CERS6: variants seen among roughly 807,000 people sequenced by gnomAD.
CERS6 encodes LAG1 homolog, ceramide synthase 6.
In CERS6, 26 loss-of-function variants were observed where a neutral mutation model predicts 56.8. The observed-to-expected ratio is 0.46, with a 90% CI of 0.34 to 0.63. The LOEUF (loss-of-function observed/expected upper bound fraction) is 0.63. Ranked by LOEUF, CERS6 falls within the 30% of genes least tolerant of loss-of-function variation. CERS6 has a pLI of 0.01. For missense variants in CERS6, 415 were observed against 467.5 expected (o/e 0.89, Z 1.04); for synonymous variants, 164 against 173.3 (o/e 0.95, Z 0.42).
intron 3 of CERS6, among the ~76,000 whole-genome samples, chr2:168,629,884 C>T (rs1033580228): frequency 2.6e-5 from 4 of 151,016 alleles, no homozygotes; most frequent in Non-Finnish European, 4.4e-5. Flanking sequence ...GGTGGGATCT[C>T]GGCTCACTGC....
At chr2:168,652,908 A>T (rs1390088538) in intron 4 of CERS6, among the ~76,000 whole-genome samples, 1 of 152,198 alleles carries the variant, frequency 6.6e-6, no homozygotes, top group Non-Finnish European at 1.5e-5. Flanking sequence ...TGTTGAAGAG[A>T]TAACTAGGAT....
At chr2:168,468,869 G>T (rs562602630) in intron 1 of CERS6, among the ~76,000 whole-genome samples, 3 of 139,656 alleles carry the variant, frequency 2.1e-5, no homozygotes, top group African/African-American at 8.2e-5. Flanking sequence ...GTGAGGAATG[G>T]GGCTTTGTCC....
chr2:168,630,678 C>A (rs1684695048), intron 3 of CERS6, among the ~76,000 whole-genome samples: 1 of 152,090 alleles, frequency 6.6e-6, no homozygotes, highest in Admixed American at 6.5e-5. Context: ...CAAATCATAT[C>A]CCTTCATGAG....
chr2:168,757,590 A>T (rs1343806887), intron 8 of CERS6, among the ~76,000 whole-genome samples: 6 of 152,146 alleles, frequency 3.9e-5, no homozygotes, highest in Admixed American at 6.6e-5. Flanking sequence ...GGGATAAAGA[A>T]ATGACTTCTG....
intron 4 of CERS6, among the ~76,000 whole-genome samples, chr2:168,648,186 C>G (rs914286519): frequency 1.3e-5 from 2 of 151,984 alleles, no homozygotes; most frequent in African/African-American, 4.8e-5. Flanking sequence ...ATTACTGATT[C>G]CATTTCAGAG....
intron 6 of CERS6, among the ~76,000 whole-genome samples, chr2:168,700,647 A>T (rs1686783752): frequency 6.6e-6 from 1 of 152,190 alleles, no homozygotes; most frequent in Non-Finnish European, 1.5e-5. Context: ...GGTTAAAAGC[A>T]TGAGCTCTGG....
At chr2:168,592,818 A>T (rs1031819731) in intron 3 of CERS6, among the ~76,000 whole-genome samples, 1 of 152,170 alleles carries the variant, frequency 6.6e-6, no homozygotes, top group Non-Finnish European at 1.5e-5. Context: ...GGGTGTTATT[A>T]TGTATATTAG....
chr2:168,629,634 T>C (rs1374307086), intron 3 of CERS6, among the ~76,000 whole-genome samples: 3 of 152,146 alleles, frequency 2.0e-5, no homozygotes, highest in Non-Finnish European at 4.4e-5. Context: ...TTCAAGATGG[T>C]AACAAAGCAT....
At chr2:168,763,827 C>T (rs1684650412) in intron 8 of CERS6, among the ~76,000 whole-genome samples, 1 of 152,224 alleles carries the variant, frequency 6.6e-6, no homozygotes, top group East Asian at 1.9e-4. Flanking sequence ...TGTCTCCAAA[C>T]CATCCCTGGG....
In CERS6 at chr2:168,769,649, C is replaced by G. The variant is rs771262751; in HGVS notation, c.1142C>G (p.Ser381Cys). The change falls in exon 10 of 10, where the codon TCC becomes TGC. Residue 381 changes from serine to cysteine, a missense_variant. Physicochemically the swap from Ser to Cys is moderately radical, Grantham distance 112. Coordinates refer to ENST00000305747, the MANE Select transcript of CERS6 (RefSeq NM_203463.3). ...GGGTATCTCCTGACTGGCTCCTGCT[C>G]CATGGATGATTAATTACTCAAAACT... ...TNGYLLTGSCSMDD is the reference protein window; with the variant it reads ...TNGYLLTGSCCMDD 6.2e-7 allele frequency: 1 copy of G among 1,610,250 alleles called. No homozygotes were observed. Among genetic ancestry groups the G allele is most frequent in the South Asian group, 1.1e-5 (1 of 89,896 alleles).
chr2:168,540,255 G>C (rs1490336574), intron 1 of CERS6, among the ~76,000 whole-genome samples: 2 of 151,990 alleles, frequency 1.3e-5, no homozygotes, highest in Non-Finnish European at 2.9e-5. Context: ...TACAATAGTG[G>C]TCCTATAAGA....
At chr2:168,502,586 G>A (rs1694602939) in intron 1 of CERS6, among the ~76,000 whole-genome samples, 1 of 152,166 alleles carries the variant, frequency 6.6e-6, no homozygotes, top group African/African-American at 2.4e-5. Context: ...ATCCAAGAGG[G>A]CCAAAACAAA....
chr2:168,666,453 C>T (rs762660139), intron 4 of CERS6, among the ~76,000 whole-genome samples: 1 of 152,206 alleles, frequency 6.6e-6, no homozygotes, highest in Non-Finnish European at 1.5e-5. Flanking sequence ...TAGTAGTATG[C>T]ATTTAAGCTT....
intron 1 of CERS6, among the ~76,000 whole-genome samples, chr2:168,536,655 A>G (rs560606408): frequency 1.3e-5 from 2 of 152,342 alleles, no homozygotes; most frequent in South Asian, 2.1e-4. Flanking sequence ...TTTCTGTGGG[A>G]AATATTCACA....
intron 2 of CERS6, among the ~76,000 whole-genome samples, chr2:168,550,072 C>A (rs928760663): frequency 6.6e-6 from 1 of 152,126 alleles, no homozygotes; most frequent in African/African-American, 2.4e-5. Flanking sequence ...AAATGTGGGA[C>A]CCCTTGTTCA....
intron 8 of CERS6, among the ~76,000 whole-genome samples, chr2:168,762,910 T>C (rs1684621289): frequency 1.4e-4 from 1 of 7,362 alleles, no homozygotes; most frequent in South Asian, 2.9e-3. Flanking sequence ...CTCTCACTCT[T>C]GTCGCCCAGG....
chr2:168,670,972 C>CT lies in CERS6; in HGVS notation c.466-20062_466-20061insT, dbSNP rs1400204725. 8.1e-5 allele frequency among the ~76,000 whole-genome samples: 5 copies of CT among 61,388 alleles called. 2 individuals are homozygous for CT. Among genetic ancestry groups the CT allele is most frequent in the Non-Finnish European group, 1.3e-4 (2 of 15,008 alleles). The allele number at this position is 61,388 out of a possible 152,430, so 40.3% of individuals were successfully genotyped here. A position where few individuals can be genotyped will look rare whatever the true frequency, so the allele number is the denominator to read the frequency against. ...CAGGTGCTGGATACATGCTTCCCCC[C>CT]CCCCCCCCAGACGGAAGCTTGCTCT... On this transcript the variant is annotated intron_variant, in intron 4 of 9. Transcript: ENST00000305747.
intron 3 of CERS6, among the ~76,000 whole-genome samples, chr2:168,604,609 C>T (rs1684008965): frequency 6.6e-6 from 1 of 152,126 alleles, no homozygotes; most frequent in Admixed American, 6.5e-5. Flanking sequence ...CATGGTTTAA[C>T]ATCATCCCTC....
intron 3 of CERS6, chr2:168,583,159 A>T: frequency 6.6e-6 from 1 of 152,388 alleles, no homozygotes; most frequent in East Asian, 1.9e-4. Context: ...TTATAGGACA[A>T]GAATCTTGTA....
Sources: gnomAD v4.1 joint callset for allele counts (sites outside exome capture counted in the v4.1 genomes callset) on GRCh38, gnomAD v4.1.1 for gene constraint, MANE v1.5 for transcripts, NCBI Gene and HGNC (gene_info 2026-07-23, HGNC 2026-07-21) for gene names.